Variants in ITGB5 observed in about 807,000 individuals in gnomAD.
ITGB5 encodes integrin subunit beta 5.
In ITGB5, 38 loss-of-function variants were observed where a neutral mutation model predicts 84.8. The observed-to-expected ratio is 0.45, with a 90% confidence interval of 0.35 to 0.59. ITGB5 has a LOEUF of 0.59. Ranked by LOEUF, ITGB5 falls within the 20% of genes least tolerant of loss-of-function variation. ITGB5 has a pLI of 0.01. For synonymous variants in ITGB5, 393 were observed against 414.4 expected, an observed-to-expected ratio of 0.95 and a Z score of 0.63; for missense variants, 905 against 1,034.5, an observed-to-expected ratio of 0.87 and a Z score of 1.72.
intron 1 of ITGB5, among the ~76,000 whole-genome samples, chr3:124,875,029 T>C (rs1157864163): frequency 6.6e-6 from 1 of 152,148 alleles, no homozygotes. Context: ...CTAAAAAGCT[T>C]CTGCACAGCA....
intron 5 of ITGB5, among the ~76,000 whole-genome samples, chr3:124,841,087 A>G (rs1162319255): frequency 6.6e-6 from 1 of 152,218 alleles, no homozygotes; most frequent in Non-Finnish European, 1.5e-5. Flanking sequence ...TCCCCTGAAA[A>G]TAAACCAAAA....
At chr3:124,868,140 A>C (rs1267426948) in intron 2 of ITGB5, among the ~76,000 whole-genome samples, 2 of 152,168 alleles carry the variant, frequency 1.3e-5, no homozygotes, top group African/African-American at 4.8e-5. Flanking sequence ...CCACGGTTGT[A>C]AGTTTCCTGA....
chr3:124,888,176 T>A (rs1355125921), upstream of ITGB5, among the ~76,000 whole-genome samples: 1 of 152,096 alleles, frequency 6.6e-6, no homozygotes, highest in Non-Finnish European at 1.5e-5. Context: ...GTCTGCCTCC[T>A]AAAGTGCTGA....
In ITGB5 at chr3:124,796,432, C is replaced by T; in HGVS notation, c.1649G>A (p.Cys550Tyr). The part of the protein sequence containing the change: ...FGKIYGPFCE[C>Y]DNFSCARNKG... The stretch of plus-strand genomic sequence containing the variant: ...GTTCCTGGCACAGGAGAAGTTGTCG[C>T]ACTCACAGAAAGGCCCATAGATCTT... The change falls in exon 10 of 15, where the codon TGC becomes TAC. Residue 550 changes from cysteine to tyrosine, a missense_variant. By Grantham distance (194) the Cys-to-Tyr change is radical (BLOSUM62 -2). Coordinates refer to ENST00000296181, the MANE Select transcript of ITGB5 (RefSeq NM_002213.5). 1 of 1,613,960 alleles carries T rather than the reference C, an allele frequency of 6.2e-7. No homozygotes were observed. The highest frequency in any genetic ancestry group is 2.2e-5 in the East Asian group (1 of 44,882).
chr3:124,887,710 T>A (rs1170309232), upstream of ITGB5: 1 of 453,180 alleles, frequency 2.2e-6, no homozygotes, highest in Non-Finnish European at 4.4e-6. Flanking sequence ...CCGAGATTAC[T>A]TGGGCCAAAG....
intron 10 of ITGB5, among the ~76,000 whole-genome samples, chr3:124,779,429 C>T (rs9879197): frequency 0.16 from 24,978 of 152,022 alleles, 2,257 homozygotes; most frequent in Admixed American, 0.25. Context: ...CCCCAACCTC[C>T]CCCTACCCTG....
Position 124,863,490 on chromosome 3 carries a change from G to A in ITGB5, c.157-4044C>T, listed in dbSNP as rs185981770. Among the ~76,000 whole-genome samples the A allele has an allele frequency of 2.4e-3, 368 of 152,258 alleles. 2 individuals are homozygous for A. Among genetic ancestry groups the A allele is most frequent in the Non-Finnish European group, 4.0e-3 (272 of 68,022 alleles). ...AGTTAGGTCACAAGCCAAGAGCTTC[G>A]CCTCTATTCCATGTGTTCCTTTCTA... On this transcript the variant is annotated intron_variant, in intron 2 of 14. Transcript: ENST00000296181.
intron 12 of ITGB5, among the ~76,000 whole-genome samples, chr3:124,767,512 A>C (rs2063783919): frequency 6.6e-6 from 1 of 152,210 alleles, no homozygotes; most frequent in Non-Finnish European, 1.5e-5. Flanking sequence ...CACTGCTATA[A>C]ACCAAGCGAA....
intron 4 of ITGB5, among the ~76,000 whole-genome samples, chr3:124,846,073 T>G (rs2065073958): frequency 6.6e-6 from 1 of 152,198 alleles, no homozygotes; most frequent in African/African-American, 2.4e-5. Context: ...TAAAACTTTT[T>G]CTTGTCTGTT....
At position 124,766,289 on chromosome 3, in the gene ITGB5, T is replaced by A. The variant is rs1046853304; in HGVS notation, c.2074A>T (p.Met692Leu). ...CFYKTAKDCVMMFTYVELPSG... is the reference protein window; with the variant it reads ...CFYKTAKDCVLMFTYVELPSG... ...GGGAGCTCCACATAGGTGAACATCA[T>A]GACGCAGTCCTTGGCGGTTTTGTAG... Residue 692 changes from methionine to leucine, a missense_variant, in exon 13 of 15, where the codon ATG becomes TTG. This residue lies in a region of ITGB5 where 116 missense variants were observed against 177.0 expected (regional missense o/e 0.66). Transcript: ENST00000296181. 3.1e-6 allele frequency: 5 copies of A among 1,614,032 alleles called. No individual in the cohort carries two copies. The highest frequency in any genetic ancestry group is 4.2e-6 in the Non-Finnish European group (5 of 1,180,020).
At chr3:124,765,616 G>A (rs2063755019) in intron 13 of ITGB5, among the ~76,000 whole-genome samples, 1 of 152,190 alleles carries the variant, frequency 6.6e-6, no homozygotes, top group South Asian at 2.1e-4. Context: ...CCTCCCCAGG[G>A]ACAGGGCCCT....
intron 5 of ITGB5, among the ~76,000 whole-genome samples, chr3:124,829,682 A>G (rs555723945): frequency 2.6e-5 from 4 of 152,342 alleles, no homozygotes; most frequent in African/African-American, 9.6e-5. Context: ...TCCCAAGGGA[A>G]GAAGTGCTCC....
At chr3:124,867,273 G>A (rs556017494) in intron 2 of ITGB5, among the ~76,000 whole-genome samples, 2 of 152,106 alleles carry the variant, frequency 1.3e-5, no homozygotes, top group South Asian at 4.2e-4. Flanking sequence ...TGGCCTCACT[G>A]TTCTTCTCCC....
At chr3:124,881,359 T>C (rs1238426421) in intron 1 of ITGB5, among the ~76,000 whole-genome samples, 1 of 152,030 alleles carries the variant, frequency 6.6e-6, no homozygotes, top group African/African-American at 2.4e-5. Flanking sequence ...GTACCAAGCA[T>C]TGTGGCTGTG....
At chr3:124,840,252 G>A (rs970381532) in intron 5 of ITGB5, among the ~76,000 whole-genome samples, 3 of 152,146 alleles carry the variant, frequency 2.0e-5, no homozygotes, top group Admixed American at 6.5e-5. Flanking sequence ...CTCTGACCCT[G>A]CCCTCACCAA....
intron 2 of ITGB5, among the ~76,000 whole-genome samples, chr3:124,870,348 CAATA>C (rs1026441382): frequency 1.5e-4 from 23 of 152,224 alleles, no homozygotes; most frequent in Non-Finnish European, 1.5e-5. Context: ...AGCAGACACA[CAATA>C]AATAGCCATC....
At chr3:124,767,506 G>A (rs868350161) in intron 12 of ITGB5, among the ~76,000 whole-genome samples, 2 of 152,226 alleles carry the variant, frequency 1.3e-5, no homozygotes, top group Admixed American at 6.5e-5. Context: ...GGCTGTCACT[G>A]CTATAAACCA....
chr3:124,814,427 T>C (rs1444934189), intron 8 of ITGB5, among the ~76,000 whole-genome samples: 1 of 151,506 alleles, frequency 6.6e-6, no homozygotes, highest in Non-Finnish European at 1.5e-5. Flanking sequence ...TCAGTACAGT[T>C]TGCTGTATGT....
rs1014144545 is a variant in ITGB5, at chr3:124,763,472, C to G, written c.*151G>C. 2.1e-5 allele frequency: 12 copies of G among 568,344 alleles called. No individual in the cohort carries two copies. Among genetic ancestry groups the G allele is most frequent in the Non-Finnish European group, 2.5e-5 (8 of 314,680 alleles). The allele number at this position is 568,344 out of a possible 1,614,324, so 35.2% of individuals were successfully genotyped here. On this transcript the variant is annotated 3_prime_UTR_variant, in exon 15 of 15. Transcript: ENST00000296181. Reference sequence around the variant, plus strand: ...TGACATGGCCAGGCACCTTCCTGTACAGGCACTGTGGGCTCCTGGCCCAGG... The same window carrying G: ...TGACATGGCCAGGCACCTTCCTGTAGAGGCACTGTGGGCTCCTGGCCCAGG...
Sources: allele counts gnomAD v4.1 joint callset (sites outside exome capture counted in the v4.1 genomes callset), GRCh38; gene constraint gnomAD v4.1.1; regional missense constraint gnomAD v4.1.1; transcripts MANE v1.5; gene names NCBI Gene and HGNC (gene_info 2026-07-23, HGNC 2026-07-21).